HRH2: variants seen among roughly 807,000 people sequenced by gnomAD.
HRH2 encodes histamine receptor H2, also known as histamine H2 receptor.
In HRH2, 4 loss-of-function variants were observed where a neutral mutation model predicts 20.1. The ratio of observed to expected loss-of-function variants is 0.20; its 90% CI spans 0.10 to 0.45. The LOEUF (loss-of-function observed/expected upper bound fraction) is 0.45. Ranked by LOEUF, HRH2 falls within the 20% of genes least tolerant of loss-of-function variation. HRH2 has a pLI of 0.99. For synonymous variants in HRH2, 197 were observed against 200.7 expected (o/e 0.98, Z 0.16); for missense variants, 250 against 461.6 (o/e 0.54, Z 4.20).
intron 1 of HRH2, among the ~76,000 whole-genome samples, chr5:175,672,343 C>T (rs1304422517): frequency 6.6e-6 from 1 of 152,186 alleles, no homozygotes; most frequent in Non-Finnish European, 1.5e-5. Flanking sequence ...CCAAGGCAGA[C>T]TCTTCAGCCA....
intron 1 of HRH2, among the ~76,000 whole-genome samples, chr5:175,669,198 G>C (rs1403388498): frequency 6.6e-6 from 1 of 152,064 alleles, no homozygotes; most frequent in African/African-American, 2.4e-5. Flanking sequence ...ACAGAGAGGA[G>C]AGAATGATGA....
At chr5:175,666,073 T>A (rs1395172281) in intron 1 of HRH2, among the ~76,000 whole-genome samples, 1 of 152,126 alleles carries the variant, frequency 6.6e-6, no homozygotes, top group Non-Finnish European at 1.5e-5. Flanking sequence ...TGGCTCCCCA[T>A]CCAGCTGGGC....
At chr5:175,696,506 G>C (rs927668494) in intron 2 of HRH2, among the ~76,000 whole-genome samples, 1 of 152,260 alleles carries the variant, frequency 6.6e-6, no homozygotes, top group African/African-American at 2.4e-5. Flanking sequence ...ATCTGTTAGA[G>C]AGAAGAACAG....
intron 2 of HRH2, chr5:175,685,519 A>G: frequency 6.6e-7 from 1 of 1,505,570 alleles, no homozygotes; most frequent in South Asian, 1.2e-5. Context: ...ACATGCCAGG[A>G]ATTATGATGA....
rs1316404900 is a variant in HRH2, at chr5:175,687,070, C to T, written c.1076+2761C>T. 2.0e-5 allele frequency among the ~76,000 whole-genome samples: 3 copies of T among 152,168 alleles called. No individual in the cohort carries two copies. Among genetic ancestry groups the T allele is most frequent in the African/African-American group, 4.8e-5 (2 of 41,438 alleles). On this transcript the variant is annotated intron_variant, in intron 2 of 2. Transcript: ENST00000636584. This position sits in a 1 kb window ranked among gnomAD's most constrained non-coding sequence, Gnocchi z 5.2. ...CAGGGCCAGATCCGAGTCCAGAGCC[C>T]ATGCTCCTGGAGATCACGGCTATGG... is the stretch of plus-strand genomic sequence containing the variant.
intron 1 of HRH2, among the ~76,000 whole-genome samples, chr5:175,678,923 G>C (rs1440971650): frequency 6.6e-6 from 1 of 152,170 alleles, no homozygotes; most frequent in Non-Finnish European, 1.5e-5. Flanking sequence ...ACGTGGAGGG[G>C]GAGCACATCC....
intron 2 of HRH2, among the ~76,000 whole-genome samples, chr5:175,699,730 C>G (rs1420801395): frequency 6.6e-6 from 1 of 152,104 alleles, no homozygotes; most frequent in African/African-American, 2.4e-5. Context: ...CCCACCACCA[C>G]GCCCGGCTAA....
At position 175,693,662 on chromosome 5, in the gene HRH2, T is replaced by A. The variant is rs909633586; in HGVS notation, c.1076+9353T>A. 2.0e-5 allele frequency among the ~76,000 whole-genome samples: 3 copies of A among 152,152 alleles called. No individual in the cohort carries two copies. The highest frequency in any genetic ancestry group is 4.8e-5 in the African/African-American group (2 of 41,444). On this transcript the variant is annotated intron_variant, in intron 2 of 2. Transcript: ENST00000636584. The surrounding 1 kb of genome is among the most constrained non-coding windows in gnomAD (Gnocchi z 4.4). ...TGAAAATGGAAGATAAAATGGAAAG[T>A]CATAGAGAACCCCATGTCTGTTGCC...
rs1755951312 is a variant in HRH2, at chr5:175,681,135, G to C, written c.-525-1574G>C. Among the ~76,000 whole-genome samples, 1 of 152,186 alleles carries C rather than the reference G, an allele frequency of 6.6e-6. No individual in the cohort carries two copies. The highest frequency in any genetic ancestry group is 1.5e-5 in the Non-Finnish European group (1 of 68,000). ...GATTCTCCAAAAAAATACCCTTATT[G>C]CTACCCCCTCCAAAGTTAATTAAGT... On this transcript the variant is annotated intron_variant, in intron 1 of 2. Transcript: ENST00000636584. This position sits in a 1 kb window ranked among gnomAD's most constrained non-coding sequence, Gnocchi z 4.3.
At chr5:175,680,172 C>T (rs538916258) in intron 1 of HRH2, among the ~76,000 whole-genome samples, 102 of 152,358 alleles carry the variant, frequency 6.7e-4, no homozygotes, top group African/African-American at 2.1e-3. Flanking sequence ...CGTCTGCCAA[C>T]GGACATCCTT....
chr5:175,697,436 T>C (rs1428306267), intron 2 of HRH2, among the ~76,000 whole-genome samples: 7 of 145,062 alleles, frequency 4.8e-5, no homozygotes, highest in South Asian at 2.2e-4. Flanking sequence ...GCAGTCCAGC[T>C]TGGGCGAAAG....
intron 1 of HRH2, among the ~76,000 whole-genome samples, chr5:175,665,597 C>A (rs1762864815): frequency 6.6e-6 from 1 of 152,146 alleles, no homozygotes; most frequent in South Asian, 2.1e-4. Flanking sequence ...ACTCGCTGCC[C>A]TGAGAAAGCC....
chr5:175,685,179 T>C (rs940097756), intron 2 of HRH2, among the ~76,000 whole-genome samples: 2 of 152,098 alleles, frequency 1.3e-5, no homozygotes, highest in South Asian at 4.1e-4. Context: ...GGAAAAGATG[T>C]ATAGAATCAG....
chr5:175,676,421 T>C (rs1755764319), intron 1 of HRH2, among the ~76,000 whole-genome samples: 1 of 152,078 alleles, frequency 6.6e-6, no homozygotes, highest in South Asian at 2.1e-4. Context: ...CACCCACAGC[T>C]CTTATTAGCC....
intron 1 of HRH2, among the ~76,000 whole-genome samples, chr5:175,672,436 C>G (rs1293969652): frequency 6.6e-6 from 1 of 152,152 alleles, no homozygotes; most frequent in Non-Finnish European, 1.5e-5. Context: ...GGACTTTGGC[C>G]AAGTCACAAA....
chr5:175,700,624 C>T (rs1332597377), intron 2 of HRH2, among the ~76,000 whole-genome samples: 1 of 152,172 alleles, frequency 6.6e-6, no homozygotes, highest in African/African-American at 2.4e-5. Flanking sequence ...CACAGTGGCT[C>T]AAGCCTGTAA....
At chr5:175,691,894 A>G (rs111407556) in intron 2 of HRH2, among the ~76,000 whole-genome samples, 4 of 151,718 alleles carry the variant, frequency 2.6e-5, no homozygotes, top group African/African-American at 9.7e-5. Context: ...GAAAAAAAAA[A>G]GGAGCACAGA....
intron 1 of HRH2, among the ~76,000 whole-genome samples, chr5:175,663,613 C>T (rs1762800303): frequency 6.6e-6 from 1 of 152,208 alleles, no homozygotes; most frequent in South Asian, 2.1e-4. Context: ...CGGCTCTAGC[C>T]AAAGCCTCAA....
chr5:175,694,654 C>T (rs1756508199), intron 2 of HRH2, among the ~76,000 whole-genome samples: 10 of 152,170 alleles, frequency 6.6e-5, no homozygotes, highest in Admixed American at 6.5e-4. Context: ...AACTGGGGTG[C>T]AGCATGAGGC....
Sources: gnomAD v4.1 joint callset for allele counts (sites outside exome capture counted in the v4.1 genomes callset) on GRCh38, gnomAD v4.1.1 for gene constraint, Gnocchi (gnomAD v3.1) non-coding constraint, MANE v1.5 for transcripts, NCBI Gene and HGNC (gene_info 2026-07-23, HGNC 2026-07-21) for gene names.